The following GPC5 variants were observed in gnomAD, a reference collection of about 807,000 sequenced individuals.
GPC5 encodes the protein glypican-5.
A neutral mutation model predicts 53.9 loss-of-function variants in GPC5; 47 were observed. That is an observed-to-expected ratio of 0.87 (90% confidence interval 0.69 to 1.11). The LOEUF is 1.11. Among genes scored for constraint, GPC5 ranks in the 50% most tolerant of loss-of-function variants. The probability of loss-of-function intolerance (pLI) is 0.00; values close to 1 mark genes in which losing one functional copy is unlikely to be tolerated. For synonymous variants in GPC5, 286 were observed against 263.3 expected (o/e 1.09, Z -0.84); for missense variants, 748 against 713.1 (o/e 1.05, Z -0.56).
In GPC5 at chr13:92,099,124, C is replaced by T. The variant is rs543233792; in HGVS notation, c.1402-45706C>T. The stretch of plus-strand genomic sequence containing the variant: ...AATTTTCCCAAGACAAGTTTTTTTC[C>T]CCTCCACACCAACTATCACATTTTT... On this transcript the variant is annotated intron_variant, in intron 6 of 7. Coordinates refer to ENST00000377067, the MANE Select transcript of GPC5 (RefSeq NM_004466.6). 2.3e-4 allele frequency among the ~76,000 whole-genome samples: 35 copies of T among 151,912 alleles called. 1 individual carries two copies. Among genetic ancestry groups the T allele is most frequent in the Admixed American group, 6.6e-4 (10 of 15,254 alleles).
chr13:92,505,070 G>C (rs529159305), intron 7 of GPC5, among the ~76,000 whole-genome samples: 1 of 151,642 alleles, frequency 6.6e-6, no homozygotes, highest in Admixed American at 6.6e-5. Flanking sequence ...GAGTCTAAAA[G>C]TCTCCTAAAG....
intron 7 of GPC5, among the ~76,000 whole-genome samples, chr13:92,387,891 C>T (rs373796458): frequency 4.6e-5 from 7 of 152,130 alleles, no homozygotes; most frequent in Non-Finnish European, 7.4e-5. Flanking sequence ...TAGTTCCTAG[C>T]AGATAATCAG....
chr13:92,771,578 C>T (rs1354501481), intron 7 of GPC5, among the ~76,000 whole-genome samples: 1 of 152,002 alleles, frequency 6.6e-6, no homozygotes, highest in South Asian at 2.1e-4. Context: ...CTCCTGACCT[C>T]GTGATCCACC....
intron 2 of GPC5, among the ~76,000 whole-genome samples, chr13:91,619,836 T>C (rs2139357308): frequency 6.6e-6 from 1 of 152,268 alleles, no homozygotes; most frequent in Non-Finnish European, 1.5e-5. Context: ...TTTAAATGTG[T>C]GCTTTAACAT....
At chr13:92,457,523 C>T (rs1878317747) in intron 7 of GPC5, among the ~76,000 whole-genome samples, 1 of 152,078 alleles carries the variant, frequency 6.6e-6, no homozygotes, top group Non-Finnish European at 1.5e-5. Flanking sequence ...TATCAGACTG[C>T]TCTTTACAAA....
chr13:91,952,545 A>G (rs1246951640), intron 6 of GPC5, among the ~76,000 whole-genome samples: 1 of 152,160 alleles, frequency 6.6e-6, no homozygotes, highest in African/African-American at 2.4e-5. Flanking sequence ...GTTTGCAGAG[A>G]TATATAAACA....
chr13:92,195,159 C>T (rs946538811), intron 7 of GPC5, among the ~76,000 whole-genome samples: 1 of 152,144 alleles, frequency 6.6e-6, no homozygotes, highest in Non-Finnish European at 1.5e-5. Flanking sequence ...ATATTAAGCT[C>T]TATGCATTTT....
At chr13:92,006,533 C>T (rs2040608237) in intron 6 of GPC5, among the ~76,000 whole-genome samples, 1 of 152,134 alleles carries the variant, frequency 6.6e-6, no homozygotes, top group South Asian at 2.1e-4. Flanking sequence ...TTCCTACTAC[C>T]TTTGTCTTAT....
chr13:91,639,675 C>T (rs545870198), intron 2 of GPC5, among the ~76,000 whole-genome samples: 72 of 151,958 alleles, frequency 4.7e-4, no homozygotes, highest in Non-Finnish European at 7.8e-4. Context: ...GTCATTCTGA[C>T]GCAGTCACAG....
intron 6 of GPC5, among the ~76,000 whole-genome samples, chr13:92,143,085 A>G (rs1053211292): frequency 6.6e-5 from 10 of 152,150 alleles, no homozygotes; most frequent in Non-Finnish European, 1.5e-4. Flanking sequence ...TTTTTCTCAC[A>G]ATATGAGCAA....
At chr13:91,774,125 A>T (rs2037670557) in intron 5 of GPC5, among the ~76,000 whole-genome samples, 1 of 152,196 alleles carries the variant, frequency 6.6e-6, no homozygotes, top group Admixed American at 6.5e-5. Context: ...TTAAATTTTA[A>T]TTCAAAATAA....
intron 6 of GPC5, among the ~76,000 whole-genome samples, chr13:92,112,470 G>T (rs925326117): frequency 5.3e-5 from 8 of 152,106 alleles, no homozygotes; most frequent in South Asian, 2.1e-4. Flanking sequence ...CAAGAAGAAA[G>T]GGTTTAAGAG....
chr13:92,627,332 C>A (rs534774633), intron 7 of GPC5, among the ~76,000 whole-genome samples: 4 of 152,170 alleles, frequency 2.6e-5, no homozygotes, highest in Non-Finnish European at 4.4e-5. Flanking sequence ...AATTACTCAG[C>A]GTGGCAGCTA....
At chr13:92,543,363 T>A (rs1192571303) in intron 7 of GPC5, among the ~76,000 whole-genome samples, 1 of 152,110 alleles carries the variant, frequency 6.6e-6, no homozygotes, top group East Asian at 1.9e-4. Context: ...TTATCTGATT[T>A]TGTTGAATTG....
intron 6 of GPC5, among the ~76,000 whole-genome samples, chr13:92,045,613 A>G (rs991530475): frequency 1.3e-5 from 2 of 152,210 alleles, no homozygotes; most frequent in Non-Finnish European, 2.9e-5. Context: ...TCTACTATAC[A>G]TAGACCACTT....
At chr13:92,203,811 A>G (rs1419974823) in intron 7 of GPC5, among the ~76,000 whole-genome samples, 1 of 151,494 alleles carries the variant, frequency 6.6e-6, no homozygotes, top group African/African-American at 2.4e-5. Context: ...GGCAGAATAA[A>G]TAAAAAGACA....
At chr13:92,497,995 G>A (rs1880040038) in intron 7 of GPC5, among the ~76,000 whole-genome samples, 1 of 152,078 alleles carries the variant, frequency 6.6e-6, no homozygotes, top group East Asian at 1.9e-4. Flanking sequence ...TTGGGGCTGA[G>A]ATGATGGGGT....
At position 91,975,316 on chromosome 13, in the gene GPC5, C is replaced by T. The variant is rs577918951; in HGVS notation, c.1401+67259C>T. ...GCTTCTGCACAGCAAAAGAAACTAC[C>T]GTCAGAGTGAACACGCAACCTACAA... On this transcript the variant is annotated intron_variant, in intron 6 of 7. Transcript: ENST00000377067. Among the ~76,000 whole-genome samples, 327 of 152,234 alleles carry T rather than the reference C, an allele frequency of 2.1e-3. 2 individuals are homozygous for T. The highest frequency in any genetic ancestry group is 6.9e-3 in the African/African-American group (285 of 41,538).
intron 2 of GPC5, among the ~76,000 whole-genome samples, chr13:91,589,456 C>A (rs2032718225): frequency 6.6e-6 from 1 of 152,116 alleles, no homozygotes. Context: ...CTGTCCAAGA[C>A]AGCTTCTCTG....
Sources: allele counts gnomAD v4.1 joint callset (sites outside exome capture counted in the v4.1 genomes callset), GRCh38; gene constraint gnomAD v4.1.1; transcripts MANE v1.5; gene names NCBI Gene and HGNC (gene_info 2026-07-23, HGNC 2026-07-21).